The following ABTB3 variants were observed in gnomAD, a reference collection of about 807,000 sequenced individuals.
ABTB3 encodes ankyrin repeat and BTB domain containing 3.
chr12:107,383,000 G>A, the ABTB3 span, among the ~76,000 whole-genome samples: 10 of 152,214 alleles, frequency 6.6e-5, no homozygotes, highest in Middle Eastern at 3.4e-3. Flanking sequence ...TGGGCTTGTC[G>A]GTGCCCCTGC....
chr12:107,519,675 C>T, the ABTB3 span, among the ~76,000 whole-genome samples: 1 of 152,182 alleles, frequency 6.6e-6, no homozygotes, highest in African/African-American at 2.4e-5. Context: ...TTCAATTTTA[C>T]AAGTACTCTT....
the ABTB3 span, among the ~76,000 whole-genome samples, chr12:107,535,332 G>T: frequency 6.6e-6 from 1 of 152,106 alleles, no homozygotes; most frequent in Non-Finnish European, 1.5e-5. Flanking sequence ...TATATTTAAT[G>T]GGGAAAAGCT....
chr12:107,610,687 G>A, the ABTB3 span, among the ~76,000 whole-genome samples: 1 of 152,124 alleles, frequency 6.6e-6, no homozygotes, highest in African/African-American at 2.4e-5. Context: ...TTCTTCCATC[G>A]TGGTTAAAAT....
chr12:107,497,382 C>T, the ABTB3 span, among the ~76,000 whole-genome samples: 1 of 148,130 alleles, frequency 6.8e-6, no homozygotes. Context: ...TCGCCACCAT[C>T]ATCATCTCTA....
the ABTB3 span, among the ~76,000 whole-genome samples, chr12:107,653,975 A>G: frequency 1.3e-5 from 2 of 152,260 alleles, no homozygotes; most frequent in African/African-American, 4.8e-5. Flanking sequence ...GGTATTTACC[A>G]TTCTACTTCC....
At chr12:107,491,340 G>C in the ABTB3 span, among the ~76,000 whole-genome samples, 1 of 152,166 alleles carries the variant, frequency 6.6e-6, no homozygotes, top group Non-Finnish European at 1.5e-5. Context: ...CCAGAAGTGT[G>C]TCATTTCCTT....
the ABTB3 span, among the ~76,000 whole-genome samples, chr12:107,652,047 A>G: frequency 6.6e-6 from 1 of 152,382 alleles, no homozygotes; most frequent in East Asian, 1.9e-4. Flanking sequence ...TCATGTGCAT[A>G]TGACTCACAT....
At chr12:107,447,467 C>T in the ABTB3 span, among the ~76,000 whole-genome samples, 1 of 152,086 alleles carries the variant, frequency 6.6e-6, no homozygotes, top group African/African-American at 2.4e-5. Flanking sequence ...CCTCCTGTCC[C>T]CCTTCCAGCC....
the ABTB3 span, among the ~76,000 whole-genome samples, chr12:107,498,699 T>C: frequency 1.3e-5 from 2 of 152,156 alleles, no homozygotes; most frequent in African/African-American, 4.8e-5. Context: ...AGGACCCTTG[T>C]GATAACATTG....
chr12:107,466,253 A>C, the ABTB3 span, among the ~76,000 whole-genome samples: 1 of 151,712 alleles, frequency 6.6e-6, no homozygotes, highest in Non-Finnish European at 1.5e-5. Flanking sequence ...AGAAGACAGC[A>C]GTTGGTTTTA....
At chr12:107,378,027 A>G in the ABTB3 span, among the ~76,000 whole-genome samples, 1 of 152,236 alleles carries the variant, frequency 6.6e-6, no homozygotes, top group Non-Finnish European at 1.5e-5. Context: ...AGTGGGGAAC[A>G]TAATCTCATT....
the ABTB3 span, among the ~76,000 whole-genome samples, chr12:107,492,857 G>A: frequency 6.6e-6 from 1 of 152,142 alleles, no homozygotes; most frequent in Non-Finnish European, 1.5e-5. Flanking sequence ...CCCTTGAGCA[G>A]CCACTTGCCT....
At chr12:107,472,267 G>A in the ABTB3 span, among the ~76,000 whole-genome samples, 1 of 152,186 alleles carries the variant, frequency 6.6e-6, no homozygotes, top group Admixed American at 6.5e-5. Context: ...GAACCTTAAA[G>A]GCTTCTTGGA....
chr12:107,395,120 G>T, the ABTB3 span, among the ~76,000 whole-genome samples: 1 of 152,186 alleles, frequency 6.6e-6, no homozygotes, highest in Non-Finnish European at 1.5e-5. Flanking sequence ...TCACCTGATT[G>T]AAGCCCCAAA....
chr12:107,353,387 T>C, the ABTB3 span, among the ~76,000 whole-genome samples: 1 of 152,110 alleles, frequency 6.6e-6, no homozygotes, highest in South Asian at 2.1e-4. Context: ...TTATCAGCTG[T>C]GTAGGGAGAC....
chr12:107,504,289 A>G, the ABTB3 span, among the ~76,000 whole-genome samples: 1 of 152,168 alleles, frequency 6.6e-6, no homozygotes, highest in South Asian at 2.1e-4. Context: ...TGGTAGATTT[A>G]TGCTTTTACG....
chr12:107,352,377 A>C, the ABTB3 span, among the ~76,000 whole-genome samples: 1 of 152,164 alleles, frequency 6.6e-6, no homozygotes, highest in Admixed American at 6.5e-5. Context: ...GCTAGAGTGC[A>C]GTGGGGAGGG....
At chr12:107,559,004 C>T in the ABTB3 span, among the ~76,000 whole-genome samples, 1 of 152,232 alleles carries the variant, frequency 6.6e-6, no homozygotes, top group African/African-American at 2.4e-5. Context: ...CACTGCCAAA[C>T]TTTGAGCTCT....
At chr12:107,644,990 T>TTTTTTTA in the ABTB3 span, among the ~76,000 whole-genome samples, 5 of 143,748 alleles carry the variant, frequency 3.5e-5, no homozygotes, top group South Asian at 2.3e-4. Context: ...TTTTTTTTTT[T>TTTTTTTA]GAGAAGAGTT....
Sources: allele counts gnomAD v4.1 joint callset (sites outside exome capture counted in the v4.1 genomes callset), GRCh38; gene constraint gnomAD v4.1.1; transcripts MANE v1.5; gene names NCBI Gene and HGNC (gene_info 2026-07-23, HGNC 2026-07-21).